The following IRF1 variants were observed in gnomAD, a reference collection of about 807,000 sequenced individuals.
The protein encoded by IRF1 is interferon regulatory factor-1.
In IRF1, 13 loss-of-function variants were observed where a neutral mutation model predicts 43.7. That is an observed-to-expected ratio of 0.30 (90% CI 0.19 to 0.47). The LOEUF is 0.47. Ranked by LOEUF, IRF1 falls within the 20% of genes least tolerant of loss-of-function variation. IRF1 has a pLI of 0.99. For missense variants in IRF1, 236 were observed against 408.9 expected (o/e 0.58, Z 3.65); for synonymous variants, 138 against 146.8 (o/e 0.94, Z 0.43).
rs116022693 is a variant in IRF1 at position 132,486,691 on chromosome 5, C to T, written c.415-5G>A. ...AGGGCTGGAATCCCCACATGACTGT[C>T]GAGGGAGAAAGCAGCTTAGGCCCAG... On this transcript the variant is annotated splice_region_variant and splice_polypyrimidine_tract_variant and intron_variant, in intron 5 of 9. Coordinates refer to ENST00000245414, the MANE Select transcript of IRF1 (RefSeq NM_002198.3). 4.9e-4 allele frequency: 794 copies of T among 1,613,786 alleles called. 4 individuals are homozygous for T. In the African/African-American group the frequency reaches 8.2e-3, roughly 17 times the overall value.
At chr5:132,488,047 A>C in intron 2 of IRF1, 22 bp from the exon 3 acceptor site, 1 of 1,558,260 alleles carries the variant, frequency 6.4e-7, no homozygotes, top group Non-Finnish European at 8.8e-7. Context: ...ACACATACAC[A>C]TAAGGCTGTG....
intron 7 of IRF1, 179 bp downstream of exon 7, chr5:132,486,072 T>A: frequency 1.2e-6 from 1 of 819,722 alleles, no homozygotes; most frequent in Non-Finnish European, 2.0e-6. Flanking sequence ...TGCAGCCCAC[T>A]CTGAACTGCC....
rs536759680 is a variant in IRF1, at chr5:132,483,891, T to C, written c.*60A>G. ...ACAGAAGTCCAGCTTCTCTGCACCA[T>C]ATCCACCATGATGCCAGGTCCTGCT... is the stretch of plus-strand genomic sequence containing the variant. On this transcript the variant is annotated 3_prime_UTR_variant, in exon 10 of 10. Transcript: ENST00000245414. 2.5e-6 allele frequency: 4 copies of C among 1,600,918 alleles called. No homozygotes were observed. Among genetic ancestry groups the C allele is most frequent in the African/African-American group, 1.3e-5 (1 of 74,730 alleles).
chr5:132,484,717 CCT>C, intron 8 of IRF1: 1 of 562,688 alleles, frequency 1.8e-6, no homozygotes, highest in Non-Finnish European at 3.2e-6. Context: ...TTTTCCCACC[CCT>C]CTCACACCCA....
intron 3 of IRF1, 49 bp downstream of exon 3, chr5:132,487,877 C>T (rs1754582781): frequency 1.5e-6 from 2 of 1,325,918 alleles, no homozygotes; most frequent in Non-Finnish European, 1.1e-6. Context: ...GTGAGTGCCT[C>T]CTCTTGTCTC....
intron 8 of IRF1, chr5:132,484,724 C>T (rs1030726225): frequency 3.6e-6 from 2 of 556,904 alleles, no homozygotes; most frequent in African/African-American, 3.8e-5. Flanking sequence ...ACCCCTCTCA[C>T]ACCCACTCTC....
chr5:132,485,784 G>T, intron 7 of IRF1, 68 bp from the exon 8 acceptor site: 4 of 1,192,116 alleles, frequency 3.4e-6, no homozygotes, highest in African/African-American at 1.5e-5. Flanking sequence ...TCCAGTTCCA[G>T]CCCACCAGAT....
At chr5:132,484,328 T>C (rs1754462808) in intron 9 of IRF1, 34 bp downstream of exon 9, 1 of 1,611,392 alleles carries the variant, frequency 6.2e-7, no homozygotes, top group Non-Finnish European at 8.5e-7. Flanking sequence ...TTCTCCCTCA[T>C]CTAAGAAGCC....
intron 5 of IRF1, 27 bp from the exon 6 acceptor site, chr5:132,486,713 C>T: frequency 6.2e-7 from 1 of 1,614,040 alleles, no homozygotes; most frequent in Admixed American, 1.7e-5. Context: ...CAGCTTAGGC[C>T]CAGGCCCACC....
rs934745531 is a variant in IRF1, at chr5:132,490,438, C to T, written c.-6+107G>A. 6.6e-6 allele frequency: 1 copy of T among 150,434 alleles called. No individual in the cohort carries two copies. Among genetic ancestry groups the T allele is most frequent in the African/African-American group, 2.4e-5 (1 of 41,172 alleles). 9.3% of individuals were successfully genotyped at this position (150,434 alleles called of 1,614,324 possible). On this transcript the variant is annotated intron_variant, in intron 1 of 9. Coordinates refer to ENST00000245414, the MANE Select transcript of IRF1 (RefSeq NM_002198.3). This position sits in a 1 kb window ranked among gnomAD's most constrained non-coding sequence, Gnocchi z 5.8. ...CCGCGCGGAGGCCCGGGCAACGCCG[C>T]GCGCCGGCGAGTCTCCAGCCTGGAG...
chr5:132,485,990 G>A, intron 7 of IRF1: 1 of 600,760 alleles, frequency 1.7e-6, no homozygotes, highest in Non-Finnish European at 3.0e-6. Context: ...GGCTACAGAG[G>A]AGGAAGGAGA....
At chr5:132,489,506 C>T in intron 1 of IRF1, 23 bp from the exon 2 acceptor site, 1 of 1,596,346 alleles carries the variant, frequency 6.3e-7, no homozygotes, top group Non-Finnish European at 8.6e-7. Flanking sequence ...CACAGAGGCT[C>T]CAGTCTGGAA....
intron 3 of IRF1, chr5:132,487,448 G>C (rs926945573): frequency 2.3e-5 from 9 of 398,966 alleles, no homozygotes; most frequent in African/African-American, 1.8e-4. Context: ...GCTATCAGCA[G>C]CCAGAGGGTA....
In IRF1 at chr5:132,486,311, G is replaced by A; in HGVS notation, c.607C>T (p.Pro203Ser). The A allele has an allele frequency of 6.2e-7, 1 of 1,613,284 alleles. No homozygotes were observed. Residue 203 changes from proline to serine, a missense_variant, in exon 7 of 10, where the codon CCG (proline) becomes TCG (serine). By Grantham distance (74) the Pro-to-Ser change is moderately conservative (BLOSUM62 -1). Coordinates refer to ENST00000245414, the MANE Select transcript of IRF1 (RefSeq NM_002198.3). ...PDWHIPVEVV[P>S]DSTSDLYNFQ... ...TTGTACAGATCACTGGTGCTGTCCG[G>A]CACAACTTCCACTGGGATGTGCCAG...
rs1246974346 is a variant in IRF1 at position 132,486,588 on chromosome 5, C to T, written c.513G>A (p.Gln171=). 1.2e-6 allele frequency: 2 copies of T among 1,614,038 alleles called. No individual in the cohort carries two copies. Among genetic ancestry groups the T allele is most frequent in the Non-Finnish European group, 1.7e-6 (2 of 1,180,026 alleles). Residue 171 remains glutamine (Q), a synonymous_variant, in exon 6 of 10, where the codon CAG becomes CAA. Coordinates refer to ENST00000245414, the MANE Select transcript of IRF1 (RefSeq NM_002198.3). ...HSSYTVPGYM[Q]DLEVEQALTP... Reference sequence around the variant, plus strand: ...TCAGGGCCTGCTCCACCTCCAAGTCCTGCATGTAGCCTGGAACTGTGTAGC... The same window carrying T: ...TCAGGGCCTGCTCCACCTCCAAGTCTTGCATGTAGCCTGGAACTGTGTAGC...
In IRF1 at chr5:132,488,044, C is replaced by A. The variant is rs199614102; in HGVS notation, c.88-19G>T. The stretch of plus-strand genomic sequence containing the variant: ...TCTCCTCCTGAACAATACACACATA[C>A]ACATAAGGCTGTGTCAGGTCAGAGA... On this transcript the variant is annotated intron_variant, in intron 2 of 9. Transcript: ENST00000245414. 8.9e-6 allele frequency: 14 copies of A among 1,570,648 alleles called. No homozygotes were observed. The East Asian group carries it at 2.7e-4, about 30-fold the overall frequency.
chr5:132,484,483 C>T lies in IRF1; in HGVS notation c.732G>A (p.Ser244=), dbSNP rs201186445. The T allele has an allele frequency of 5.0e-6, 8 of 1,614,196 alleles. No individual in the cohort carries two copies. In the East Asian group the frequency reaches 6.7e-5, roughly 13 times the overall value. The change falls in exon 9 of 10, where the codon TCG becomes TCA. Residue 244 remains serine, a synonymous_variant. Transcript: ENST00000245414. ...CATCCACGTTTGTTGGCTGCCACTCCGACTGCTCCAAGAGCTGGGGACAGA... is the reference window on the plus strand; with the variant it reads ...CATCCACGTTTGTTGGCTGCCACTCTGACTGCTCCAAGAGCTGGGGACAGA... ...PEDIMKLLEQ[S]EWQPTNVDGK... is the part of the protein sequence containing the mutation.
chr5:132,489,188 C>A, intron 2 of IRF1: 1 of 529,284 alleles, frequency 1.9e-6, no homozygotes, highest in East Asian at 3.2e-5. Context: ...GGTGGGTGCC[C>A]TACCTCAAGA....
At position 132,484,363 on chromosome 5, in the gene IRF1, C is replaced by T. The variant is rs113976540; in HGVS notation, c.852G>A (p.Gly284=). 5.6e-6 allele frequency: 9 copies of T among 1,614,060 alleles called. No homozygotes were observed. Among genetic ancestry groups the T allele is most frequent in the Non-Finnish European group, 6.8e-6 (8 of 1,179,964 alleles). Residue 284 remains glycine (G), a splice_region_variant and synonymous_variant, in exon 9 of 10, where the codon GGG becomes GGA. Transcript: ENST00000245414. ...CATAAGGATCCAGGGCCTTCTTACC[C>T]CCTGGGCTGTCAATTTCTGGCTCCT... ...CKEEPEIDSP[G]GDIGLSLQRV...
Sources: allele counts gnomAD v4.1 joint callset, GRCh38; gene constraint gnomAD v4.1.1; non-coding constraint Gnocchi (gnomAD v3.1); transcripts MANE v1.5; gene names NCBI Gene and HGNC (gene_info 2026-07-23, HGNC 2026-07-21).